The following FHIT variants were observed in gnomAD, a reference collection of about 807,000 sequenced individuals.
FHIT encodes bis(5'-adenosyl)-triphosphatase.
Under a neutral mutation model 17.9 loss-of-function variants are expected in FHIT, and 19 were observed. The ratio of observed to expected loss-of-function variants is 1.06; its 90% CI spans 0.74 to 1.56. The LOEUF (loss-of-function observed/expected upper bound fraction) is 1.56, where lower values mean the gene tolerates loss of function less well. FHIT is among the 40% of genes most tolerant of loss of function. The pLI is 0.00. For missense variants in FHIT, 248 were observed against 189.2 expected, an observed-to-expected ratio of 1.31 and a Z score of -1.82; for synonymous variants, 81 against 69.7, an observed-to-expected ratio of 1.16 and a Z score of -0.81.
chr3:59,961,471 C>A (rs980611164), intron 7 of FHIT, among the ~76,000 whole-genome samples: 1 of 152,140 alleles, frequency 6.6e-6, no homozygotes, highest in Non-Finnish European at 1.5e-5. Flanking sequence ...GTAAAAAACT[C>A]CTGCAGCTAG....
chr3:60,225,054 A>G (rs1361780141), intron 5 of FHIT, among the ~76,000 whole-genome samples: 1 of 152,048 alleles, frequency 6.6e-6, no homozygotes. Context: ...TACTGGAGTA[A>G]TGCTTGCTAA....
intron 5 of FHIT, among the ~76,000 whole-genome samples, chr3:60,341,826 T>TA (rs918283706): frequency 2.2e-4 from 33 of 152,194 alleles, no homozygotes; most frequent in African/African-American, 7.5e-4. Flanking sequence ...ACCAGGGAAA[T>TA]ATTCGCACCG....
intron 5 of FHIT, among the ~76,000 whole-genome samples, chr3:60,374,473 GA>G (rs1025579710): frequency 6.6e-6 from 1 of 150,698 alleles, no homozygotes; most frequent in Non-Finnish European, 1.5e-5. Flanking sequence ...ATATCACTTG[GA>G]AAAAAAACAC....
intron 4 of FHIT, among the ~76,000 whole-genome samples, chr3:60,634,293 A>AC (rs2039523408): frequency 1.1e-5 from 1 of 93,378 alleles, no homozygotes; most frequent in African/African-American, 3.3e-5. Flanking sequence ...TAAAACAACA[A>AC]AAAAAAAATC....
chr3:60,077,419 TAAA>T (rs1703061233), intron 5 of FHIT: 1 of 151,282 alleles, frequency 6.6e-6, no homozygotes, highest in African/African-American at 2.4e-5. Context: ...AAAATAAAAA[TAAA>T]AAAGGAACCA....
intron 5 of FHIT, among the ~76,000 whole-genome samples, chr3:60,265,285 T>C (rs1292844175): frequency 6.6e-6 from 1 of 151,910 alleles, no homozygotes; most frequent in African/African-American, 2.4e-5. Context: ...AGGAAATGTA[T>C]TTGAGCTCTG....
At chr3:60,745,353 T>C (rs1027694416) in intron 4 of FHIT, among the ~76,000 whole-genome samples, 1 of 152,058 alleles carries the variant, frequency 6.6e-6, no homozygotes, top group African/African-American at 2.4e-5. Context: ...GCAGTAAACA[T>C]AAGGACTGAA....
intron 5 of FHIT, among the ~76,000 whole-genome samples, chr3:60,133,186 G>A (rs999274197): frequency 3.9e-5 from 6 of 152,126 alleles, no homozygotes; most frequent in African/African-American, 1.4e-4. Context: ...GGCTGGTGCT[G>A]ATGAAGGAGG....
intron 4 of FHIT, among the ~76,000 whole-genome samples, chr3:60,561,875 A>T (rs915997559): frequency 3.3e-5 from 5 of 151,870 alleles, no homozygotes; most frequent in African/African-American, 7.3e-5. Flanking sequence ...GACTCTGGGA[A>T]TCTGGAAAAT....
At chr3:60,217,552 C>G (rs568128589) in intron 5 of FHIT, among the ~76,000 whole-genome samples, 10 of 152,184 alleles carry the variant, frequency 6.6e-5, no homozygotes, top group African/African-American at 1.9e-4. Context: ...CTAACACCCC[C>G]TTTCTAAATC....
chr3:60,711,831 CA>C (rs2041541702), intron 4 of FHIT, among the ~76,000 whole-genome samples: 1 of 152,186 alleles, frequency 6.6e-6, no homozygotes, highest in African/African-American at 2.4e-5. Context: ...AGAATGGAAC[CA>C]AGTTGGAAAA....
At chr3:60,383,409 A>T (rs1365575276) in intron 5 of FHIT, among the ~76,000 whole-genome samples, 1 of 152,120 alleles carries the variant, frequency 6.6e-6, no homozygotes, top group Non-Finnish European at 1.5e-5. Context: ...CCCCACCCAG[A>T]AATATTTGGC....
chr3:60,820,100 G>A (rs1453177131), intron 4 of FHIT, among the ~76,000 whole-genome samples: 3 of 152,030 alleles, frequency 2.0e-5, no homozygotes, highest in Admixed American at 6.6e-5. Flanking sequence ...TTGAGGTCAG[G>A]GGTTCAAGAC....
intron 2 of FHIT, among the ~76,000 whole-genome samples, chr3:61,194,256 A>C (rs2038794599): frequency 6.6e-6 from 1 of 152,128 alleles, no homozygotes; most frequent in African/African-American, 2.4e-5. Context: ...GGGAAGAGGA[A>C]TTCTGGTTTA....
intron 2 of FHIT, among the ~76,000 whole-genome samples, chr3:61,073,276 T>C (rs2106747574): frequency 6.6e-6 from 1 of 152,280 alleles, no homozygotes; most frequent in African/African-American, 2.4e-5. Context: ...TAACTGTGAG[T>C]CTTAATCAAG....
chr3:61,137,972 G>A (rs1576084966), intron 2 of FHIT, among the ~76,000 whole-genome samples: 1 of 152,166 alleles, frequency 6.6e-6, no homozygotes, highest in Non-Finnish European at 1.5e-5. Context: ...GTGGCTACAA[G>A]TATGAGCTCA....
chr3:60,576,188 A>T (rs1553657540), intron 4 of FHIT, among the ~76,000 whole-genome samples: 1 of 152,114 alleles, frequency 6.6e-6, no homozygotes, highest in Non-Finnish European at 1.5e-5. Flanking sequence ...AATCAGTTTA[A>T]GAGGCAAGAG....
intron 5 of FHIT, among the ~76,000 whole-genome samples, chr3:60,146,274 G>A (rs375742359): frequency 9.7e-4 from 147 of 151,324 alleles, no homozygotes; most frequent in African/African-American, 3.4e-3. Context: ...CAGGGGGTAG[G>A]AGGGGGCTGA....
At chr3:60,607,253 C>G (rs1357142924) in intron 4 of FHIT, among the ~76,000 whole-genome samples, 1 of 152,004 alleles carries the variant, frequency 6.6e-6, no homozygotes, top group Non-Finnish European at 1.5e-5. Context: ...TATAAATTTT[C>G]AGACACCACA....
Sources: allele counts gnomAD v4.1 joint callset (sites outside exome capture counted in the v4.1 genomes callset), GRCh38; gene constraint gnomAD v4.1.1; transcripts MANE v1.5; gene names NCBI Gene and HGNC (gene_info 2026-07-23, HGNC 2026-07-21).